The following NDST3 variants were observed in gnomAD, a reference collection of about 807,000 sequenced individuals.
NDST3 encodes the protein bifunctional heparan sulfate N-deacetylase/N-sulfotransferase 3.
In NDST3, 58 loss-of-function variants were observed where a neutral mutation model predicts 96.1. The observed-to-expected ratio is 0.60, with a 90% CI of 0.49 to 0.75. The LOEUF (loss-of-function observed/expected upper bound fraction) is 0.75. NDST3 is among the 30% of genes least tolerant of loss of function. The probability of loss-of-function intolerance (pLI) is 0.00; values close to 1 mark genes in which losing one functional copy is unlikely to be tolerated. For missense variants in NDST3, 788 were observed against 1,034.2 expected, an observed-to-expected ratio of 0.76 and a Z score of 3.27; for synonymous variants, 333 against 359.7, an observed-to-expected ratio of 0.93 and a Z score of 0.84.
At chr4:118,144,309 T>A (rs896277504) in intron 6 of NDST3, among the ~76,000 whole-genome samples, 8 of 151,738 alleles carry the variant, frequency 5.3e-5, no homozygotes, top group Non-Finnish European at 7.4e-5. Context: ...GCCTCCCGAG[T>A]AGCTGGGACC....
In NDST3 at chr4:118,240,585, CA is replaced by C; in HGVS notation, c.2181del (p.Arg730ValfsTer36). The C allele has an allele frequency of 6.2e-7, 1 of 1,613,826 alleles. No individual in the cohort carries two copies. Among genetic ancestry groups the C allele is most frequent in the Non-Finnish European group, 8.5e-7 (1 of 1,179,866 alleles). On this transcript the variant is annotated frameshift_variant, in exon 11 of 14. Transcript: ENST00000296499. LOFTEE classifies it high-confidence loss of function. ...TTTAGCTTCTACGAAGTGATCTCAG[CA>C]GGGCCCCGTGCACCCTCGGAGCTCA... ...LKFSFYEVIS[A>X]GPRAPSELRA...
At chr4:118,103,915 G>T (rs1729961287) in intron 2 of NDST3, among the ~76,000 whole-genome samples, 2 of 152,154 alleles carry the variant, frequency 1.3e-5, no homozygotes, top group South Asian at 4.2e-4. Flanking sequence ...GAACCCAGAA[G>T]TTCTCTACCT....
At chr4:118,192,252 G>T (rs1737356318) in intron 6 of NDST3, among the ~76,000 whole-genome samples, 1 of 152,148 alleles carries the variant, frequency 6.6e-6, no homozygotes, top group African/African-American at 2.4e-5. Context: ...TCACTTTGTT[G>T]ATTGTTTCCT....
chr4:118,221,413 T>C (rs141826633), intron 6 of NDST3, among the ~76,000 whole-genome samples: 37 of 152,178 alleles, frequency 2.4e-4, no homozygotes, highest in African/African-American at 7.0e-4. Context: ...ATAAATAACA[T>C]ACTTTTTTTC....
chr4:118,133,372 C>T (rs1353718308), intron 4 of NDST3, among the ~76,000 whole-genome samples: 1 of 152,098 alleles, frequency 6.6e-6, no homozygotes, highest in Non-Finnish European at 1.5e-5. Context: ...AATGTAAAGT[C>T]CCCCTGTCAC....
intron 8 of NDST3, among the ~76,000 whole-genome samples, chr4:118,228,941 A>T (rs555751108): frequency 2.0e-5 from 3 of 152,310 alleles, no homozygotes; most frequent in South Asian, 4.1e-4. Context: ...TTTTTAATTA[A>T]AGTAGTTTCT....
At chr4:118,160,389 T>C (rs1490295046) in intron 6 of NDST3, among the ~76,000 whole-genome samples, 2 of 150,436 alleles carry the variant, frequency 1.3e-5, no homozygotes, top group Non-Finnish European at 3.0e-5. Flanking sequence ...GCCTACAAAA[T>C]GGGAGAAAAT....
chr4:118,055,133 A>C, intron 2 of NDST3: 1 of 536,716 alleles, frequency 1.9e-6, no homozygotes, highest in Non-Finnish European at 3.3e-6. Flanking sequence ...GGTTTTCTAC[A>C]TGTATTTACA....
At chr4:118,171,876 G>C (rs929967355) in intron 6 of NDST3, among the ~76,000 whole-genome samples, 1 of 152,138 alleles carries the variant, frequency 6.6e-6, no homozygotes, top group African/African-American at 2.4e-5. Context: ...CGTGTCAGGA[G>C]CTCACAGCCA....
intron 4 of NDST3, among the ~76,000 whole-genome samples, chr4:118,133,537 G>A (rs941491935): frequency 2.6e-5 from 4 of 152,158 alleles, no homozygotes; most frequent in South Asian, 2.1e-4. Context: ...GAGGTACTGC[G>A]ATTGCTTACC....
At chr4:118,160,954 T>C (rs1308756937) in intron 6 of NDST3, among the ~76,000 whole-genome samples, 1 of 152,166 alleles carries the variant, frequency 6.6e-6, no homozygotes, top group Non-Finnish European at 1.5e-5. Flanking sequence ...CTCTGCTTTT[T>C]AGAGTTTCCA....
intron 12 of NDST3, among the ~76,000 whole-genome samples, chr4:118,251,021 T>C (rs1468019815): frequency 1.3e-5 from 2 of 150,732 alleles, no homozygotes; most frequent in African/African-American, 4.8e-5. Context: ...TAACCCAAGG[T>C]TGCAAAATTT....
At chr4:118,116,717 G>C (rs1731161639) in intron 4 of NDST3, among the ~76,000 whole-genome samples, 1 of 152,072 alleles carries the variant, frequency 6.6e-6, no homozygotes, top group Non-Finnish European at 1.5e-5. Flanking sequence ...AATTAGCCAG[G>C]TGTGGTGGCG....
rs748067652 is a variant in NDST3, at chr4:118,054,791, G to C, written c.881G>C (p.Gly294Ala). 5 of 1,613,118 alleles carry C rather than the reference G, an allele frequency of 3.1e-6. No homozygotes were observed. The highest frequency in any genetic ancestry group is 1.6e-4 in the Middle Eastern group (1 of 6,080). Residue 294 changes from glycine (G) to alanine (A), a missense_variant, in exon 2 of 14, where the codon GGG (glycine) becomes GCG (alanine). Transcript: ENST00000296499. ...IFIDAISFLS[G>A]KRLTLSLDRY... Reference sequence around the variant, plus strand: ...ATAGATGCCATCTCCTTCTTATCAGGGAAGAGGCTGACATTGTCCTTGGAC... The same window carrying C: ...ATAGATGCCATCTCCTTCTTATCAGCGAAGAGGCTGACATTGTCCTTGGAC...
At chr4:118,082,084 A>G in intron 2 of NDST3, among the ~76,000 whole-genome samples, 1 of 152,168 alleles carries the variant, frequency 6.6e-6, no homozygotes, top group East Asian at 1.9e-4. Context: ...TTGCAAGCAC[A>G]CACACAAATT....
intron 3 of NDST3, among the ~76,000 whole-genome samples, chr4:118,111,629 C>T (rs1205870375): frequency 4.0e-5 from 6 of 151,296 alleles, no homozygotes; most frequent in African/African-American, 1.2e-4. Context: ...CTCTGCCTCC[C>T]GGGTTAACGC....
In NDST3 at chr4:118,105,939, T is replaced by C. The variant is rs546704558; in HGVS notation, c.1069+834T>C. On this transcript the variant is annotated intron_variant, in intron 3 of 13. Transcript: ENST00000296499. ...GTTTATATTCCCAACAGTATGAGTGTTCCTGTTGCTCTGTATGCTTGCCAG... is the reference window on the plus strand; with the variant it reads ...GTTTATATTCCCAACAGTATGAGTGCTCCTGTTGCTCTGTATGCTTGCCAG... 2.6e-5 allele frequency among the ~76,000 whole-genome samples: 4 copies of C among 152,354 alleles called. No individual in the cohort carries two copies. In the East Asian group the frequency reaches 7.7e-4, roughly 29 times the overall value.
intron 6 of NDST3, among the ~76,000 whole-genome samples, chr4:118,152,276 G>T (rs947786360): frequency 2.0e-5 from 3 of 152,074 alleles, no homozygotes; most frequent in Non-Finnish European, 4.4e-5. Flanking sequence ...CATTTGTGTT[G>T]AGTTGATATA....
chr4:118,060,055 T>C (rs1463691026), intron 2 of NDST3, among the ~76,000 whole-genome samples: 2 of 152,138 alleles, frequency 1.3e-5, no homozygotes, highest in African/African-American at 4.8e-5. Context: ...ATATATTATC[T>C]AATCAAGGTA....
Sources: gnomAD v4.1 joint callset for allele counts (sites outside exome capture counted in the v4.1 genomes callset) on GRCh38, gnomAD v4.1.1 for gene constraint, MANE v1.5 for transcripts, NCBI Gene and HGNC (gene_info 2026-07-23, HGNC 2026-07-21) for gene names.